The following DACH1 variants were observed in gnomAD, a reference collection of about 807,000 sequenced individuals.
DACH1 encodes dachshund homolog 1.
Under a neutral mutation model 54.2 loss-of-function variants are expected in DACH1, and 12 were observed. The observed-to-expected ratio is 0.22, with a 90% CI of 0.14 to 0.36. The LOEUF is 0.36. Ranked by LOEUF, DACH1 falls within the 10% of genes least tolerant of loss-of-function variation. DACH1 has a pLI of 1.00. For synonymous variants in DACH1, 386 were observed against 366.2 expected (o/e 1.05, Z -0.62); for missense variants, 805 against 929.8 (o/e 0.87, Z 1.75).
chr13:71,689,824 G>A (rs980811635), intron 1 of DACH1, among the ~76,000 whole-genome samples: 15 of 152,124 alleles, frequency 9.9e-5, no homozygotes, highest in East Asian at 1.9e-4. Flanking sequence ...AGTTCCTGTC[G>A]TAGGTAGTTG....
At position 71,552,156 on chromosome 13, in the gene DACH1, A is replaced by G. The variant is rs568204951; in HGVS notation, c.1570+4868T>C. The stretch of plus-strand genomic sequence containing the variant: ...ATGACATATCAAGAAAAAAATCTGT[A>G]TAATTTTAACGAGGAAAGGGAGAGA... On this transcript the variant is annotated intron_variant, in intron 6 of 10. Coordinates refer to ENST00000613252, the MANE Select transcript of DACH1 (RefSeq NM_080759.6). Among the ~76,000 whole-genome samples the G allele has an allele frequency of 9.2e-5, 14 of 152,288 alleles. No individual in the cohort carries two copies. The South Asian group carries it at 2.7e-3, about 29-fold the overall frequency.
At chr13:71,475,572 C>A (rs955480106) in intron 9 of DACH1, 134 bp downstream of exon 9, 22 of 1,108,168 alleles carry the variant, frequency 2.0e-5, no homozygotes, top group Middle Eastern at 2.2e-4. Context: ...GTTCTTCCCA[C>A]CCTGCTTTCA....
At chr13:71,684,255 G>A (rs999841181) in intron 1 of DACH1, among the ~76,000 whole-genome samples, 1 of 152,040 alleles carries the variant, frequency 6.6e-6, no homozygotes, top group Non-Finnish European at 1.5e-5. Flanking sequence ...ATTCCAGAAG[G>A]ATTTTTATAA....
intron 6 of DACH1, among the ~76,000 whole-genome samples, chr13:71,540,923 C>G (rs534592318): frequency 6.6e-6 from 1 of 151,686 alleles, no homozygotes; most frequent in Non-Finnish European, 1.5e-5. Flanking sequence ...ACCCATAAAC[C>G]CTTTCCTTAA....
Position 71,600,900 on chromosome 13 carries a change from C to T in DACH1, c.1127-27888G>A, listed in dbSNP as rs139071900. On this transcript the variant is annotated intron_variant, in intron 3 of 10. Coordinates refer to ENST00000613252, the MANE Select transcript of DACH1 (RefSeq NM_080759.6). ...AAAAATTCAATACATTGCCCTCACCCTTAGAGATTATACTTTTGTTGGTTC... is the reference window on the plus strand; with the variant it reads ...AAAAATTCAATACATTGCCCTCACCTTTAGAGATTATACTTTTGTTGGTTC... Among the ~76,000 whole-genome samples, 57 of 151,866 alleles carry T rather than the reference C, an allele frequency of 3.8e-4. No individual in the cohort carries two copies. The East Asian group carries it at 8.1e-3, about 22-fold the overall frequency.
chr13:71,798,299 A>T (rs1271635961), intron 1 of DACH1, among the ~76,000 whole-genome samples: 2 of 139,926 alleles, frequency 1.4e-5, no homozygotes, highest in Non-Finnish European at 3.1e-5. Flanking sequence ...ATGAAAGATG[A>T]TTTTAAAGAG....
intron 2 of DACH1, among the ~76,000 whole-genome samples, chr13:71,639,804 C>T (rs1877759141): frequency 6.6e-6 from 1 of 151,988 alleles, no homozygotes. Flanking sequence ...TCAATAAAAA[C>T]TTTTAAATTA....
intron 10 of DACH1, among the ~76,000 whole-genome samples, chr13:71,464,913 T>A (rs1242033161): frequency 6.6e-6 from 1 of 152,010 alleles, no homozygotes; most frequent in Non-Finnish European, 1.5e-5. Context: ...TGGACAAGGT[T>A]CAACTACTGG....
intron 3 of DACH1, among the ~76,000 whole-genome samples, chr13:71,613,477 AGCTGTT>A (rs1875494589): frequency 6.6e-6 from 1 of 152,158 alleles, no homozygotes; most frequent in Non-Finnish European, 1.5e-5. Context: ...TCATCACTGT[AGCTGTT>A]GCAAGGCGAG....
At position 71,439,253 on chromosome 13, in the gene DACH1, A is replaced by T. The variant is rs562793913; in HGVS notation, c.*1402T>A. The stretch of plus-strand genomic sequence containing the variant: ...GATTCATATCAGTCTTTAAAGGTGT[A>T]ATTCCAGATATGCAAAAAACAAAGA... On this transcript the variant is annotated 3_prime_UTR_variant, in exon 11 of 11. Transcript: ENST00000613252. 3.9e-5 allele frequency: 6 copies of T among 152,608 alleles called. No individual in the cohort carries two copies. The highest frequency in any genetic ancestry group is 1.4e-4 in the African/African-American group (6 of 41,576). 9.5% of individuals were successfully genotyped at this position (152,608 alleles called of 1,614,324 possible). A position where few individuals can be genotyped will look rare whatever the true frequency, so the allele number is the denominator to read the frequency against.
At chr13:71,657,113 CAACT>C (rs1192142150) in intron 2 of DACH1, among the ~76,000 whole-genome samples, 2 of 151,046 alleles carry the variant, frequency 1.3e-5, no homozygotes, top group East Asian at 2.0e-4. Flanking sequence ...TTGATCAAGT[CAACT>C]AACTAACCTG....
At chr13:71,863,011 T>C (rs1224143650) in intron 1 of DACH1, among the ~76,000 whole-genome samples, 1 of 152,056 alleles carries the variant, frequency 6.6e-6, no homozygotes, top group Non-Finnish European at 1.5e-5. Context: ...CCTTAGCCTG[T>C]TAAGTAGCTA....
intron 7 of DACH1, among the ~76,000 whole-genome samples, chr13:71,480,279 G>T (rs1390271118): frequency 6.6e-6 from 1 of 152,092 alleles, no homozygotes. Flanking sequence ...ATTCAAGATG[G>T]TTGTAATAAA....
chr13:71,446,798 T>A (rs915144701), intron 10 of DACH1, among the ~76,000 whole-genome samples: 1 of 152,194 alleles, frequency 6.6e-6, no homozygotes, highest in African/African-American at 2.4e-5. Context: ...CAGCAAAGCC[T>A]CAATTGGTCA....
chr13:71,653,875 T>C (rs1878857066), intron 2 of DACH1, among the ~76,000 whole-genome samples: 1 of 152,198 alleles, frequency 6.6e-6, no homozygotes, highest in African/African-American at 2.4e-5. Context: ...TGACGTATAT[T>C]TGACATTTTC....
At chr13:71,587,690 T>C (rs750370949) in intron 3 of DACH1, among the ~76,000 whole-genome samples, 11 of 152,070 alleles carry the variant, frequency 7.2e-5, no homozygotes, top group Non-Finnish European at 1.6e-4. Flanking sequence ...TATGATACCA[T>C]TTAACTTGGC....
intron 3 of DACH1, among the ~76,000 whole-genome samples, chr13:71,576,064 A>C (rs921608481): frequency 7.4e-6 from 1 of 135,854 alleles, no homozygotes; most frequent in Non-Finnish European, 1.5e-5. Context: ...GTATATATGC[A>C]CTATGCTTAA....
chr13:71,724,639 A>G (rs538455731), intron 1 of DACH1, among the ~76,000 whole-genome samples: 1 of 152,268 alleles, frequency 6.6e-6, no homozygotes, highest in South Asian at 2.1e-4. Context: ...AATTGAATAA[A>G]GTATTACTTA....
intron 6 of DACH1, among the ~76,000 whole-genome samples, chr13:71,523,417 A>G (rs1881739617): frequency 6.6e-6 from 1 of 152,162 alleles, no homozygotes; most frequent in Non-Finnish European, 1.5e-5. Context: ...AATGACTTAA[A>G]GGACAAATTT....
Sources: allele counts gnomAD v4.1 joint callset (sites outside exome capture counted in the v4.1 genomes callset), GRCh38; gene constraint gnomAD v4.1.1; transcripts MANE v1.5; gene names NCBI Gene and HGNC (gene_info 2026-07-23, HGNC 2026-07-21).